The following S100Z variants were observed in gnomAD, a reference collection of about 807,000 sequenced individuals.
S100Z encodes protein S100-Z.
S100Z carries 11 observed loss-of-function variants against 8.5 expected under a neutral mutation model. The ratio of observed to expected loss-of-function variants is 1.30; its 90% CI spans 0.82 to 2.15. S100Z has a LOEUF of 2.15. Among genes scored for constraint, S100Z ranks in the 30% most tolerant of loss-of-function variants. S100Z has a pLI of 0.00. For missense variants in S100Z, 126 were observed against 117.9 expected (o/e 1.07, Z -0.32); for synonymous variants, 34 against 43.8 (o/e 0.78, Z 0.89).
downstream of S100Z, among the ~76,000 whole-genome samples, chr5:76,926,419 GA>G (rs201210728): frequency 6.6e-6 from 1 of 151,910 alleles, no homozygotes; most frequent in Non-Finnish European, 1.5e-5. Context: ...GGGCTTTGAG[GA>G]AAAAAAAGAT....
chr5:76,869,958 G>A (rs1580004331), intron 1 of S100Z, among the ~76,000 whole-genome samples: 2 of 151,976 alleles, frequency 1.3e-5, no homozygotes, highest in South Asian at 4.2e-4. Flanking sequence ...AGGAGGCAGA[G>A]GTTGCAGTGA....
intron 1 of S100Z, among the ~76,000 whole-genome samples, chr5:76,869,067 T>C (rs1265257821): frequency 6.6e-6 from 1 of 152,220 alleles, no homozygotes; most frequent in Non-Finnish European, 1.5e-5. Context: ...TCTTGGGGAA[T>C]CTTATGTTTC....
At position 76,869,840 on chromosome 5, in the gene S100Z, G is replaced by A. The variant is rs148739908; in HGVS notation, c.-175-326G>A. On this transcript the variant is annotated intron_variant, in intron 1 of 4. Coordinates refer to ENST00000317593, the MANE Select transcript of S100Z (RefSeq NM_130772.4). ...TCAAGACCAGCCTAGCCAACATGGT[G>A]AAACCCCATCTATACTAAAAACACA... Among the ~76,000 whole-genome samples the A allele has an allele frequency of 1.4e-4, 22 of 152,214 alleles. No homozygotes were observed. In the East Asian group the frequency reaches 3.9e-3, roughly 27 times the overall value.
chr5:76,867,155 T>A (rs1488760880), intron 1 of S100Z, among the ~76,000 whole-genome samples: 1 of 152,194 alleles, frequency 6.6e-6, no homozygotes, highest in East Asian at 1.9e-4. Flanking sequence ...TTGGTAAGTT[T>A]GACATCTGTA....
At chr5:76,907,520 G>A (rs1744498511) in intron 4 of S100Z, among the ~76,000 whole-genome samples, 1 of 152,088 alleles carries the variant, frequency 6.6e-6, no homozygotes, top group Non-Finnish European at 1.5e-5. Context: ...AGCCAGGATG[G>A]CCTCGATCTC....
chr5:76,911,431 G>A (rs963711444), intron 4 of S100Z, among the ~76,000 whole-genome samples: 4 of 152,144 alleles, frequency 2.6e-5, no homozygotes, highest in Non-Finnish European at 5.9e-5. Flanking sequence ...TGGACCTCAA[G>A]GATGCCTTCT....
At chr5:76,911,816 C>T (rs1334532317) in intron 4 of S100Z, among the ~76,000 whole-genome samples, 1 of 152,202 alleles carries the variant, frequency 6.6e-6, no homozygotes, top group Non-Finnish European at 1.5e-5. Context: ...GGAACAAATA[C>T]AGCCTATACT....
At chr5:76,898,902 G>A (rs1039304045) in intron 4 of S100Z, among the ~76,000 whole-genome samples, 5 of 150,054 alleles carry the variant, frequency 3.3e-5, no homozygotes, top group African/African-American at 1.2e-4. Context: ...GAATTCATCA[G>A]TGAAGCCATT....
At chr5:76,945,418 G>T in the S100Z span, among the ~76,000 whole-genome samples, 354 of 152,330 alleles carry the variant, frequency 2.3e-3, no homozygotes, top group African/African-American at 8.0e-3. Flanking sequence ...GCCTCTTGCA[G>T]TTGAGATAAG....
At chr5:76,904,715 AT>A (rs78314030) in intron 4 of S100Z, among the ~76,000 whole-genome samples, 3,621 of 150,732 alleles carry the variant, frequency 0.024, 171 homozygotes, top group African/African-American at 0.082. Flanking sequence ...ATTAAAAAAA[AT>A]TTTTTTTTGG....
At chr5:76,879,268 T>C (rs1743305855) in intron 4 of S100Z, among the ~76,000 whole-genome samples, 1 of 152,162 alleles carries the variant, frequency 6.6e-6, no homozygotes, top group Non-Finnish European at 1.5e-5. Context: ...AGAAAAAAGA[T>C]AGAAGGAGCC....
chr5:76,868,536 A>G (rs1164588762), intron 1 of S100Z, among the ~76,000 whole-genome samples: 1 of 151,424 alleles, frequency 6.6e-6, no homozygotes, highest in Admixed American at 6.6e-5. Flanking sequence ...AGACCCATAT[A>G]CTCTGTAAGA....
chr5:76,859,570 C>G (rs1418669419), intron 1 of S100Z, among the ~76,000 whole-genome samples: 1 of 151,944 alleles, frequency 6.6e-6, no homozygotes, highest in Non-Finnish European at 1.5e-5. Context: ...CACCTGAGGT[C>G]AGGAGTTTGA....
At position 76,875,881 on chromosome 5, in the gene S100Z, G is replaced by A. The variant is rs1029446128; in HGVS notation, c.141+381G>A. On this transcript the variant is annotated intron_variant, in intron 3 of 4. Transcript: ENST00000317593. ...TATGTATTGGGCCAGAGGTGAAGGG[G>A]TACTTTACCTTCAGAGGTGGGGTAC... is the stretch of plus-strand genomic sequence containing the variant. Among the ~76,000 whole-genome samples the A allele has an allele frequency of 5.3e-5, 8 of 152,172 alleles. No homozygotes were observed. In the East Asian group the frequency reaches 1.2e-3, roughly 22 times the overall value.
chr5:76,877,537 T>A (rs1743240718), intron 3 of S100Z, 137 bp from the exon 4 acceptor site: 2 of 616,916 alleles, frequency 3.2e-6, no homozygotes, highest in African/African-American at 3.7e-5. Context: ...CACCTACCTG[T>A]AAATAGGTTC....
At chr5:76,887,415 T>TTC (rs75971999) in intron 4 of S100Z, among the ~76,000 whole-genome samples, 1 of 147,604 alleles carries the variant, frequency 6.8e-6, no homozygotes, top group Non-Finnish European at 1.5e-5. Flanking sequence ...TTTTTTTTTT[T>TTC]TCTGAGATGA....
At chr5:76,853,167 TATTA>T (rs1750780275) in intron 1 of S100Z, among the ~76,000 whole-genome samples, 2 of 152,212 alleles carry the variant, frequency 1.3e-5, no homozygotes, top group African/African-American at 4.8e-5. Flanking sequence ...GATCTGGCTA[TATTA>T]ATTTCAGAAA....
chr5:76,915,641 T>A lies in S100Z; in HGVS notation c.*3-5076T>A, dbSNP rs1744831671. On this transcript the variant is annotated intron_variant, in intron 4 of 4. Coordinates refer to ENST00000317593, the MANE Select transcript of S100Z (RefSeq NM_130772.4). ...TAAATAAATAAAAAATAAAAATAAATAAATAAATAAAAAAGATAAAGTGGT... is the reference window on the plus strand; with the variant it reads ...TAAATAAATAAAAAATAAAAATAAAAAAATAAATAAAAAAGATAAAGTGGT... 4.0e-5 allele frequency among the ~76,000 whole-genome samples: 6 copies of A among 151,572 alleles called. No homozygotes were observed. The South Asian group carries it at 1.2e-3, about 31-fold the overall frequency.
intron 4 of S100Z, among the ~76,000 whole-genome samples, chr5:76,878,462 G>A (rs563720976): frequency 6.6e-6 from 1 of 152,166 alleles, no homozygotes; most frequent in East Asian, 1.9e-4. Context: ...ATTTCCCACT[G>A]TTTCCCCCTG....
Sources: allele counts gnomAD v4.1 joint callset (sites outside exome capture counted in the v4.1 genomes callset), GRCh38; gene constraint gnomAD v4.1.1; transcripts MANE v1.5; gene names NCBI Gene and HGNC (gene_info 2026-07-23, HGNC 2026-07-21).